Variants in CBLB observed in about 807,000 individuals in gnomAD.
The protein encoded by CBLB is E3 ubiquitin-protein ligase CBL-B.
A neutral mutation model predicts 104.9 loss-of-function variants in CBLB; 31 were observed. The ratio of observed to expected loss-of-function variants is 0.30; its 90% CI spans 0.22 to 0.40. CBLB has a LOEUF of 0.40. Among genes scored for constraint, CBLB ranks in the 10% least tolerant of loss-of-function variants. The pLI is 1.00. For synonymous variants in CBLB, 440 were observed against 422.6 expected, an observed-to-expected ratio of 1.04 and a Z score of -0.51; for missense variants, 1,062 against 1,214.6, an observed-to-expected ratio of 0.87 and a Z score of 1.87.
In CBLB at chr3:105,753,723, TAAAAAGGCCAAATAGAC is replaced by T. The variant is rs534961085; in HGVS notation, c.567-2122_567-2106del. Among the ~76,000 whole-genome samples the T allele has an allele frequency of 3.9e-4, 59 of 152,310 alleles. 1 individual carries two copies. Among genetic ancestry groups the T allele is most frequent in the Middle Eastern group, 6.8e-3 (2 of 294 alleles). ...TTGTGTATAACATATAAAGTTTTTT[TAAAAAGGCCAAATAGAC>T]ATCTTCCACATCTGTTACTATAAAA... is the stretch of plus-strand genomic sequence containing the variant. On this transcript the variant is annotated intron_variant, in intron 4 of 18. Transcript: ENST00000394030.
chr3:105,742,669 TTAA>T (rs1458055602), intron 6 of CBLB, among the ~76,000 whole-genome samples: 1 of 152,098 alleles, frequency 6.6e-6, no homozygotes, highest in Non-Finnish European at 1.5e-5. Flanking sequence ...CATAAAAAAA[TTAA>T]TGATAAAATT....
rs148035645 is a variant in CBLB, at chr3:105,841,103, G to A, written c.419+12311C>T. 7.6e-3 allele frequency among the ~76,000 whole-genome samples: 1,162 copies of A among 152,060 alleles called. 21 individuals are homozygous for A. Among genetic ancestry groups the A allele is most frequent in the African/African-American group, 0.027 (1,102 of 41,488 alleles). ...AAGGTCAGGAGTTTGAGACCAGTCT[G>A]GCCAACATGGTGAAACCCTATCTCT... is the stretch of plus-strand genomic sequence containing the variant. On this transcript the variant is annotated intron_variant, in intron 3 of 18. Coordinates refer to ENST00000394030, the MANE Select transcript of CBLB (RefSeq NM_170662.5).
At chr3:105,713,124 A>G (rs955182759) in intron 10 of CBLB, among the ~76,000 whole-genome samples, 3 of 152,160 alleles carry the variant, frequency 2.0e-5, no homozygotes, top group African/African-American at 7.2e-5. Context: ...CTTTAAAAAT[A>G]ATATTAATAA....
chr3:105,714,535 A>G (rs1298749457), intron 10 of CBLB, among the ~76,000 whole-genome samples: 5 of 152,158 alleles, frequency 3.3e-5, no homozygotes, highest in Non-Finnish European at 5.9e-5. Flanking sequence ...GAACCCTCCC[A>G]TGTGCAGTTC....
At chr3:105,742,096 CT>C (rs2075657178) in intron 6 of CBLB, among the ~76,000 whole-genome samples, 1 of 152,166 alleles carries the variant, frequency 6.6e-6, no homozygotes, top group African/African-American at 2.4e-5. Context: ...GATCATTTCT[CT>C]TTATTTGAGT....
At chr3:105,742,585 A>G (rs1180503280) in intron 6 of CBLB, among the ~76,000 whole-genome samples, 1 of 152,032 alleles carries the variant, frequency 6.6e-6, no homozygotes, top group African/African-American at 2.4e-5. Context: ...TACGGCTATG[A>G]TATTATGAGA....
intron 3 of CBLB, among the ~76,000 whole-genome samples, chr3:105,813,257 A>C (rs1463723318): frequency 4.6e-5 from 7 of 152,178 alleles, no homozygotes; most frequent in African/African-American, 1.4e-4. Context: ...ACTAGATCAA[A>C]CAAAACATGG....
chr3:105,707,771 T>C (rs1245001640), intron 10 of CBLB, among the ~76,000 whole-genome samples: 1 of 152,114 alleles, frequency 6.6e-6, no homozygotes, highest in East Asian at 1.9e-4. Context: ...AATTAATTTA[T>C]TGGATGAGAT....
intron 9 of CBLB, among the ~76,000 whole-genome samples, chr3:105,725,141 C>A (rs973020690): frequency 2.0e-5 from 3 of 152,152 alleles, no homozygotes; most frequent in African/African-American, 7.2e-5. Context: ...CTACTACAAT[C>A]AATGAATATT....
chr3:105,866,858 G>T (rs901104130), intron 2 of CBLB, among the ~76,000 whole-genome samples: 3 of 152,136 alleles, frequency 2.0e-5, no homozygotes, highest in Admixed American at 2.0e-4. Context: ...AAATGGAATA[G>T]TAGATGAAAG....
intron 8 of CBLB, among the ~76,000 whole-genome samples, chr3:105,735,955 AAAAC>A (rs2074891271): frequency 1.3e-5 from 2 of 152,208 alleles, no homozygotes; most frequent in South Asian, 4.1e-4. Flanking sequence ...CAAAAAAAGA[AAAAC>A]AAGGCAATCA....
At chr3:105,707,381 A>G (rs910585033) in intron 10 of CBLB, among the ~76,000 whole-genome samples, 1 of 152,270 alleles carries the variant, frequency 6.6e-6, no homozygotes, top group African/African-American at 2.4e-5. Flanking sequence ...AAGAAAAAAA[A>G]TATCTTTCAT....
At chr3:105,734,639 G>A (rs916239729) in intron 8 of CBLB, among the ~76,000 whole-genome samples, 2 of 152,084 alleles carry the variant, frequency 1.3e-5, no homozygotes, top group African/African-American at 4.8e-5. Context: ...CTTCCCGCAT[G>A]CCAGGCACTG....
At chr3:105,716,154 G>A (rs549131739) in intron 10 of CBLB, among the ~76,000 whole-genome samples, 7 of 152,280 alleles carry the variant, frequency 4.6e-5, no homozygotes, top group Admixed American at 2.0e-4. Flanking sequence ...GAACATTCAG[G>A]TAGAAGAACT....
intron 9 of CBLB, among the ~76,000 whole-genome samples, chr3:105,726,370 G>A (rs537774903): frequency 1.2e-4 from 19 of 152,042 alleles, no homozygotes; most frequent in Admixed American, 5.2e-4. Context: ...ACAATATACA[G>A]GAAGAATAAC....
At chr3:105,738,694 A>C (rs1053658412) in intron 7 of CBLB, among the ~76,000 whole-genome samples, 5 of 152,152 alleles carry the variant, frequency 3.3e-5, no homozygotes, top group Admixed American at 3.3e-4. Flanking sequence ...TTATAAATTC[A>C]AACTTTAAAG....
At chr3:105,679,669 G>A (rs571023327) in intron 16 of CBLB, among the ~76,000 whole-genome samples, 81 of 151,974 alleles carry the variant, frequency 5.3e-4, no homozygotes, top group African/African-American at 1.8e-3. Context: ...CTGGCTACTC[G>A]GGAGGCTGAG....
At chr3:105,731,961 C>G (rs2074363584) in intron 9 of CBLB, among the ~76,000 whole-genome samples, 1 of 152,102 alleles carries the variant, frequency 6.6e-6, no homozygotes, top group Non-Finnish European at 1.5e-5. Context: ...ATACACAAGC[C>G]CTGCATGGAG....
intron 4 of CBLB, among the ~76,000 whole-genome samples, chr3:105,756,908 T>G (rs993129359): frequency 2.0e-5 from 3 of 152,180 alleles, no homozygotes; most frequent in African/African-American, 7.2e-5. Flanking sequence ...CAATGAATGG[T>G]TTAGCACCAT....
Sources: gnomAD v4.1 joint callset for allele counts (sites outside exome capture counted in the v4.1 genomes callset) on GRCh38, gnomAD v4.1.1 for gene constraint, MANE v1.5 for transcripts, NCBI Gene and HGNC (gene_info 2026-07-23, HGNC 2026-07-21) for gene names.